The following CNGA3 variants were observed in gnomAD, a reference collection of about 807,000 sequenced individuals.
CNGA3 encodes the protein cyclic nucleotide-gated channel alpha-3.
In CNGA3, 42 loss-of-function variants were observed where a neutral mutation model predicts 46.6. The observed-to-expected ratio is 0.90, with a 90% CI of 0.70 to 1.17. The LOEUF (loss-of-function observed/expected upper bound fraction) is 1.17, where lower values mean the gene tolerates loss of function less well. Ranked by LOEUF, CNGA3 falls within the 50% of genes most tolerant of loss-of-function variation. The pLI is 0.00. For synonymous variants in CNGA3, 394 were observed against 369.4 expected (o/e 1.07, Z -0.76); for missense variants, 893 against 890.7 (o/e 1.00, Z -0.03).
At chr2:98,377,002 C>T (rs1311291555) in intron 2 of CNGA3, among the ~76,000 whole-genome samples, 1 of 152,204 alleles carries the variant, frequency 6.6e-6, no homozygotes, top group African/African-American at 2.4e-5. Flanking sequence ...AGGGGAGTCA[C>T]CACACCTTAC....
At position 98,396,163 on chromosome 2, in the gene CNGA3, G is replaced by A. The variant is rs530265295; in HGVS notation, c.993G>A (p.Gly331=). The change falls in exon 8 of 8, where the codon GGG becomes GGA. Residue 331 remains glycine, a synonymous_variant. Coordinates refer to ENST00000272602, the MANE Select transcript of CNGA3 (RefSeq NM_001298.3). The part of the protein sequence containing the change: ...YFAISKFIGF[G]TDSWVYPNIS... ...CCATTTCCAAGTTCATTGGTTTTGG[G>A]ACAGACTCCTGGGTCTACCCAAACA... is the stretch of plus-strand genomic sequence containing the variant. 1.2e-6 allele frequency: 2 copies of A among 1,614,148 alleles called. No homozygotes were observed. Among genetic ancestry groups the A allele is most frequent in the South Asian group, 2.2e-5 (2 of 91,080 alleles).
intron 2 of CNGA3, 32 bp downstream of exon 2, chr2:98,370,108 A>G (rs751503221): frequency 9.2e-6 from 14 of 1,528,348 alleles, no homozygotes; most frequent in African/African-American, 1.4e-5. Context: ...TTTTCATTTT[A>G]TGCCTGGCTC....
intron 3 of CNGA3, chr2:98,378,266 C>T (rs898824006): frequency 8.6e-6 from 13 of 1,514,182 alleles, no homozygotes; most frequent in African/African-American, 1.4e-5. Flanking sequence ...ATTAGTGAGA[C>T]TCCAAGCTCT....
intron 3 of CNGA3, among the ~76,000 whole-genome samples, chr2:98,378,998 C>T (rs1450750824): frequency 6.6e-6 from 1 of 152,234 alleles, no homozygotes; most frequent in African/African-American, 2.4e-5. Context: ...CTTCGAGTGG[C>T]TCTCAGTTCA....
intron 7 of CNGA3, among the ~76,000 whole-genome samples, chr2:98,392,716 T>C (rs17030716): frequency 0.065 from 9,925 of 152,184 alleles, 1,098 homozygotes; most frequent in African/African-American, 0.23. Flanking sequence ...TTTCTCTTCT[T>C]GGACAGTCAG....
intron 5 of CNGA3, among the ~76,000 whole-genome samples, chr2:98,386,457 C>T (rs1285733894): frequency 1.3e-5 from 2 of 152,196 alleles, no homozygotes; most frequent in African/African-American, 4.8e-5. Flanking sequence ...AGGGGAGTTC[C>T]CCTGCACAGA....
chr2:98,391,744 C>T (rs1252025697), intron 6 of CNGA3, 120 bp from the exon 7 acceptor site: 3 of 887,774 alleles, frequency 3.4e-6, no homozygotes, highest in Non-Finnish European at 5.6e-6. Flanking sequence ...ACACCGCAGG[C>T]AGGGCCATTC....
chr2:98,392,579 GA>G (rs1226084581), intron 7 of CNGA3, among the ~76,000 whole-genome samples: 3 of 149,596 alleles, frequency 2.0e-5, no homozygotes, highest in Non-Finnish European at 4.4e-5. Flanking sequence ...AAAAAAAAAA[GA>G]AAAGAAAAGA....
At chr2:98,359,774 A>G (rs1691982023) in intron 1 of CNGA3, among the ~76,000 whole-genome samples, 1 of 152,020 alleles carries the variant, frequency 6.6e-6, no homozygotes, top group African/African-American at 2.4e-5. Context: ...ACCCCCCACA[A>G]ACAGCTGCTC....
chr2:98,347,331 C>A (rs1465161793), intron 1 of CNGA3, among the ~76,000 whole-genome samples: 3 of 152,172 alleles, frequency 2.0e-5, no homozygotes, highest in Admixed American at 6.5e-5. Flanking sequence ...CCTCTGCAAT[C>A]CCCTAACCGG....
chr2:98,393,314 C>T (rs926765949), intron 7 of CNGA3, among the ~76,000 whole-genome samples: 3 of 152,220 alleles, frequency 2.0e-5, no homozygotes, highest in Admixed American at 2.0e-4. Flanking sequence ...CTCCGTGTGG[C>T]TCCACGTACA....
intron 1 of CNGA3, among the ~76,000 whole-genome samples, chr2:98,365,422 T>A (rs1486048025): frequency 6.6e-6 from 1 of 151,562 alleles, no homozygotes; most frequent in African/African-American, 2.4e-5. Flanking sequence ...ATTGGAGTTC[T>A]CTGGATTTCC....
At chr2:98,382,999 G>A (rs1355377815) in intron 4 of CNGA3, among the ~76,000 whole-genome samples, 1 of 152,200 alleles carries the variant, frequency 6.6e-6, no homozygotes, top group Non-Finnish European at 1.5e-5. Context: ...ACAGAGGCAT[G>A]GAAGCACTGA....
At chr2:98,357,017 G>C (rs1032577554) in intron 1 of CNGA3, among the ~76,000 whole-genome samples, 114 of 152,290 alleles carry the variant, frequency 7.5e-4, no homozygotes, top group African/African-American at 2.6e-3. Context: ...TAAATACGTG[G>C]CTGTTATTAT....
At chr2:98,358,896 C>T (rs2106078960) in intron 1 of CNGA3, among the ~76,000 whole-genome samples, 1 of 152,340 alleles carries the variant, frequency 6.6e-6, no homozygotes. Context: ...CCTTGAGGGA[C>T]TTGGGTCAAG....
Position 98,382,561 on chromosome 2 carries a change from G to A in CNGA3, c.396-827G>A, listed in dbSNP as rs545714434. On this transcript the variant is annotated intron_variant, in intron 4 of 7. Transcript: ENST00000272602. ...GCCCCGGGAGTCAGGTGGGGGTGTC[G>A]CCTGCCTCAGGCTCCAGTTCCCGTG... is the stretch of plus-strand genomic sequence containing the variant. 1.2e-4 allele frequency among the ~76,000 whole-genome samples: 18 copies of A among 152,308 alleles called. No homozygotes were observed. In the East Asian group the frequency reaches 2.9e-3, roughly 24 times the overall value.
chr2:98,375,289 G>A (rs1347787617), intron 2 of CNGA3, among the ~76,000 whole-genome samples: 2 of 152,242 alleles, frequency 1.3e-5, no homozygotes, highest in East Asian at 1.9e-4. Context: ...ACGCTGGGCC[G>A]ACTGCTTGGT....
chr2:98,387,124 G>A (rs556435806), intron 5 of CNGA3, among the ~76,000 whole-genome samples: 2 of 152,264 alleles, frequency 1.3e-5, no homozygotes, highest in South Asian at 2.1e-4. Context: ...AAAATATTAG[G>A]AACCGTTTTC....
rs943639851 is a variant in CNGA3 at position 98,383,246 on chromosome 2, C to T, written c.396-142C>T. On this transcript the variant is annotated intron_variant, in intron 4 of 7. Coordinates refer to ENST00000272602, the MANE Select transcript of CNGA3 (RefSeq NM_001298.3). The stretch of plus-strand genomic sequence containing the variant: ...CATTTTGGCCTTGACAATACCACCC[C>T]GTATTCTTCAAGCTGTGAGTGCAAA... The T allele has an allele frequency of 3.4e-5, 27 of 798,488 alleles. No individual in the cohort carries two copies. The Middle Eastern group carries it at 8.8e-4, about 26-fold the overall frequency. 49.5% of individuals were successfully genotyped at this position (798,488 alleles called of 1,614,324 possible). A position where few individuals can be genotyped will look rare whatever the true frequency, so the allele number is the denominator to read the frequency against.
Sources: gnomAD v4.1 joint callset for allele counts (sites outside exome capture counted in the v4.1 genomes callset) on GRCh38, gnomAD v4.1.1 for gene constraint, MANE v1.5 for transcripts, NCBI Gene and HGNC (gene_info 2026-07-23, HGNC 2026-07-21) for gene names.